PTH2R: variants seen among roughly 807,000 people sequenced by gnomAD.
PTH2R encodes parathyroid hormone 2 receptor.
In PTH2R, 59 loss-of-function variants were observed where a neutral mutation model predicts 60.3. The ratio of observed to expected loss-of-function variants is 0.98; its 90% confidence interval spans 0.79 to 1.22. The LOEUF (loss-of-function observed/expected upper bound fraction) is 1.22, where lower values mean the gene tolerates loss of function less well. Among genes scored for constraint, PTH2R ranks in the 50% most tolerant of loss-of-function variants. PTH2R has a pLI of 0.00. For missense variants in PTH2R, 749 were observed against 682.6 expected (o/e 1.10, Z -1.08); for synonymous variants, 256 against 243.8 (o/e 1.05, Z -0.47).
At chr2:208,433,731 T>C (rs1256116868) in intron 2 of PTH2R, among the ~76,000 whole-genome samples, 1 of 152,180 alleles carries the variant, frequency 6.6e-6, no homozygotes, top group African/African-American at 2.4e-5. Flanking sequence ...CAGACCAAAA[T>C]ATTATTGATC....
At chr2:208,483,901 T>G (rs1447939800) in intron 10 of PTH2R, among the ~76,000 whole-genome samples, 2 of 152,200 alleles carry the variant, frequency 1.3e-5, no homozygotes, top group African/African-American at 4.8e-5. Context: ...CATATTCTGT[T>G]TCTGAGGCCT....
chr2:208,446,802 A>C (rs1702295940), intron 7 of PTH2R, among the ~76,000 whole-genome samples: 1 of 152,326 alleles, frequency 6.6e-6, no homozygotes, highest in Non-Finnish European at 1.5e-5. Flanking sequence ...TGAGAGACTG[A>C]TTTAAAAACA....
rs1701424479 is a variant in PTH2R at position 208,406,945 on chromosome 2, T to G, written c.-99T>G. 1 of 1,056,168 alleles carries G rather than the reference T, an allele frequency of 9.5e-7. No homozygotes were observed. Among genetic ancestry groups the G allele is most frequent in the South Asian group, 3.1e-5 (1 of 31,918 alleles). 65.4% of individuals were successfully genotyped at this position (1,056,168 alleles called of 1,614,324 possible). The stretch of plus-strand genomic sequence containing the variant: ...GACCACCCCAGCTGCGCGTCGTTAC[T>G]GGCCACAAGTTTGCTCTGGGCCAGC... On this transcript the variant is annotated 5_prime_UTR_variant, in exon 1 of 13. Transcript: ENST00000272847.
intron 7 of PTH2R, among the ~76,000 whole-genome samples, chr2:208,450,029 G>A (rs952445824): frequency 5.3e-5 from 8 of 152,062 alleles, no homozygotes; most frequent in Admixed American, 1.3e-4. Context: ...TTTTGTGTGT[G>A]ATGTCAGAGT....
chr2:208,386,896 T>C (rs909089472), intron 1 of PTH2R, among the ~76,000 whole-genome samples: 1 of 152,198 alleles, frequency 6.6e-6, no homozygotes, highest in South Asian at 2.1e-4. Context: ...TGTGAATCAT[T>C]TGGGGTGGAG....
upstream of PTH2R, among the ~76,000 whole-genome samples, chr2:208,406,394 A>G (rs958328329): frequency 6.6e-6 from 1 of 152,216 alleles, no homozygotes; most frequent in African/African-American, 2.4e-5. Context: ...AAAATGAATC[A>G]GAGCATTTTA....
At chr2:208,439,433 A>G (rs961907509) in intron 4 of PTH2R, among the ~76,000 whole-genome samples, 13 of 152,174 alleles carry the variant, frequency 8.5e-5, no homozygotes, top group African/African-American at 3.1e-4. Context: ...AGAAAACTAG[A>G]TATCTCCTGA....
At chr2:208,445,837 A>C (rs1331458076) in intron 7 of PTH2R, among the ~76,000 whole-genome samples, 1 of 152,218 alleles carries the variant, frequency 6.6e-6, no homozygotes, top group Non-Finnish European at 1.5e-5. Flanking sequence ...ATTTACTGTT[A>C]AACTTATTTA....
intron 8 of PTH2R, among the ~76,000 whole-genome samples, chr2:208,456,760 T>A (rs1702522660): frequency 6.6e-6 from 1 of 152,178 alleles, no homozygotes; most frequent in Non-Finnish European, 1.5e-5. Flanking sequence ...TTAAAAAAAT[T>A]TGAACAGAGA....
intron 11 of PTH2R, among the ~76,000 whole-genome samples, chr2:208,490,087 A>G (rs1037089061): frequency 1.9e-4 from 29 of 151,934 alleles, no homozygotes; most frequent in African/African-American, 6.5e-4. Context: ...CTCATTTTGC[A>G]TTTTTCTCAT....
intron 9 of PTH2R, among the ~76,000 whole-genome samples, chr2:208,468,491 C>T (rs1702806049): frequency 6.6e-6 from 1 of 152,202 alleles, no homozygotes; most frequent in African/African-American, 2.4e-5. Flanking sequence ...GATAATCCAG[C>T]AAAGATGGCT....
At chr2:208,479,812 T>C (rs1703104212) in intron 9 of PTH2R, among the ~76,000 whole-genome samples, 1 of 152,202 alleles carries the variant, frequency 6.6e-6, no homozygotes, top group Admixed American at 6.5e-5. Flanking sequence ...AAGCAGTTAA[T>C]CTCTTTGAGC....
At position 208,477,689 on chromosome 2, in the gene PTH2R, C is replaced by T. The variant is rs902505616; in HGVS notation, c.982-3381C>T. On this transcript the variant is annotated intron_variant, in intron 9 of 12. Coordinates refer to ENST00000272847, the MANE Select transcript of PTH2R (RefSeq NM_005048.4). ...AAACCATATTTACAAAAAATTCATT[C>T]TATGTGTTATTGGCTTTAATGTTTA... 2.0e-5 allele frequency among the ~76,000 whole-genome samples: 3 copies of T among 151,722 alleles called. No individual in the cohort carries two copies. The East Asian group carries it at 5.8e-4, about 29-fold the overall frequency.
intron 9 of PTH2R, among the ~76,000 whole-genome samples, chr2:208,468,388 C>A (rs1487935894): frequency 6.6e-6 from 1 of 152,072 alleles, no homozygotes; most frequent in Non-Finnish European, 1.5e-5. Flanking sequence ...CCCAAGAATA[C>A]CCAATATTAA....
At chr2:208,464,872 ACT>A (rs1326857170) in intron 9 of PTH2R, among the ~76,000 whole-genome samples, 2 of 151,990 alleles carry the variant, frequency 1.3e-5, no homozygotes, top group African/African-American at 2.4e-5. Flanking sequence ...GACTGTGCCT[ACT>A]CACACTCATA....
chr2:208,428,891 C>T (rs1260018009), intron 2 of PTH2R, among the ~76,000 whole-genome samples: 1 of 152,054 alleles, frequency 6.6e-6, no homozygotes, highest in East Asian at 1.9e-4. Context: ...TCCAGACCAG[C>T]GTGGCCAACA....
intron 10 of PTH2R, among the ~76,000 whole-genome samples, chr2:208,485,560 G>T (rs981260800): frequency 5.9e-5 from 9 of 152,212 alleles, no homozygotes; most frequent in Non-Finnish European, 1.3e-4. Context: ...CATGACCCAT[G>T]TACACATTTG....
chr2:208,407,318 T>C lies in PTH2R; in HGVS notation c.75+200T>C, dbSNP rs373507980. 1.1e-4 allele frequency among the ~76,000 whole-genome samples: 17 copies of C among 152,050 alleles called. No homozygotes were observed. The East Asian group carries it at 2.9e-3, about 26-fold the overall frequency. On this transcript the variant is annotated intron_variant, in intron 1 of 12. Coordinates refer to ENST00000272847, the MANE Select transcript of PTH2R (RefSeq NM_005048.4). Reference sequence around the variant, plus strand: ...GCTTCAAAGATCTGCTTTAGTGGAGTGATGTCCTGGGGCCGGCACTGTTTA... The same window carrying C: ...GCTTCAAAGATCTGCTTTAGTGGAGCGATGTCCTGGGGCCGGCACTGTTTA...
At chr2:208,489,402 A>G (rs1703352395) in intron 11 of PTH2R, among the ~76,000 whole-genome samples, 1 of 152,194 alleles carries the variant, frequency 6.6e-6, no homozygotes, top group Non-Finnish European at 1.5e-5. Flanking sequence ...ACAGAGAGAT[A>G]AGGAACATCT....
Sources: allele counts gnomAD v4.1 joint callset (sites outside exome capture counted in the v4.1 genomes callset), GRCh38; gene constraint gnomAD v4.1.1; transcripts MANE v1.5; gene names NCBI Gene and HGNC (gene_info 2026-07-23, HGNC 2026-07-21).